The following DLGAP2 variants were observed in gnomAD, a reference collection of about 807,000 sequenced individuals.
DLGAP2 encodes disks large-associated protein 2.
DLGAP2 carries 26 observed loss-of-function variants against 100.3 expected under a neutral mutation model. The observed-to-expected ratio is 0.26, with a 90% CI of 0.19 to 0.36. DLGAP2 has a LOEUF of 0.36. Ranked by LOEUF, DLGAP2 falls within the 10% of genes least tolerant of loss-of-function variation. The pLI, the probability that DLGAP2 is intolerant of heterozygous loss-of-function variation, is 1.00. For synonymous variants in DLGAP2, 886 were observed against 630.1 expected (o/e 1.41, Z -6.08); for missense variants, 1,858 against 1,453.2 (o/e 1.28, Z -4.53).
chr8:1,283,450 A>G (rs909920598), intron 3 of DLGAP2, among the ~76,000 whole-genome samples: 1 of 152,208 alleles, frequency 6.6e-6, no homozygotes, highest in African/African-American at 2.4e-5. Context: ...AATATGAGTT[A>G]TTTTAAAATA....
chr8:892,385 C>T (rs763555579), intron 1 of DLGAP2, among the ~76,000 whole-genome samples: 3 of 152,108 alleles, frequency 2.0e-5, no homozygotes, highest in Non-Finnish European at 4.4e-5. Flanking sequence ...GAACGAAATC[C>T]CGACGAGGCT....
chr8:816,274 GGT>G (rs1491310653), intron 1 of DLGAP2, among the ~76,000 whole-genome samples: 1 of 97,096 alleles, frequency 1.0e-5, no homozygotes, highest in African/African-American at 3.8e-5. Flanking sequence ...GAATACCTTG[GGT>G]TTTTTTTTTT....
intron 6 of DLGAP2, among the ~76,000 whole-genome samples, chr8:1,590,299 C>T (rs147093993): frequency 3.4e-4 from 52 of 152,280 alleles, no homozygotes; most frequent in African/African-American, 1.1e-3. Flanking sequence ...CAGTTCAGGC[C>T]GTACCAGAAG....
At chr8:754,712 G>A (rs770200307) in intron 1 of DLGAP2, among the ~76,000 whole-genome samples, 13 of 152,152 alleles carry the variant, frequency 8.5e-5, no homozygotes, top group Non-Finnish European at 1.2e-4. Context: ...GCATGGTGGT[G>A]TGCACCAGTA....
At chr8:1,324,121 G>C (rs556778516) in intron 3 of DLGAP2, among the ~76,000 whole-genome samples, 28 of 152,162 alleles carry the variant, frequency 1.8e-4, no homozygotes, top group African/African-American at 6.5e-4. Flanking sequence ...GTCCATTGAA[G>C]GGGGAGGAAG....
chr8:1,509,734 G>A (rs143985129), intron 4 of DLGAP2, among the ~76,000 whole-genome samples: 3 of 152,194 alleles, frequency 2.0e-5, no homozygotes, highest in Admixed American at 6.5e-5. Flanking sequence ...TTCCTACCTC[G>A]TTGGAATTTT....
chr8:745,688 A>T (rs925581600), intron 1 of DLGAP2, among the ~76,000 whole-genome samples: 1 of 152,236 alleles, frequency 6.6e-6, no homozygotes, highest in African/African-American at 2.4e-5. Flanking sequence ...CAGTAACAGG[A>T]TTGGGTAAAT....
intron 4 of DLGAP2, among the ~76,000 whole-genome samples, chr8:1,516,427 ATGAG>A (rs1459381004): frequency 4.8e-5 from 6 of 125,688 alleles, no homozygotes; most frequent in South Asian, 6.0e-4. Flanking sequence ...GAGTGACTGA[ATGAG>A]TGGGTGACTG....
At chr8:1,233,535 G>A (rs1201647418) in intron 2 of DLGAP2, among the ~76,000 whole-genome samples, 3 of 152,224 alleles carry the variant, frequency 2.0e-5, no homozygotes, top group Admixed American at 2.0e-4. Context: ...TGTGATGTGA[G>A]AGGCCTGGAA....
At chr8:1,383,060 A>C (rs1382356306) in intron 3 of DLGAP2, among the ~76,000 whole-genome samples, 3 of 152,224 alleles carry the variant, frequency 2.0e-5, no homozygotes, top group Admixed American at 6.5e-5. Context: ...CTTTGGACGT[A>C]AGTATTCTCA....
intron 2 of DLGAP2, among the ~76,000 whole-genome samples, chr8:1,000,739 C>T (rs893274630): frequency 1.3e-5 from 2 of 152,148 alleles, no homozygotes; most frequent in Admixed American, 6.5e-5. Context: ...CTTTACTCAA[C>T]GTCGACTGCA....
chr8:1,184,328 A>T (rs1250757272), intron 2 of DLGAP2, among the ~76,000 whole-genome samples: 1 of 152,220 alleles, frequency 6.6e-6, no homozygotes, highest in Non-Finnish European at 1.5e-5. Flanking sequence ...GTAGTGGGAG[A>T]TGCGTCCGAA....
chr8:916,062 C>T (rs1327764243), intron 2 of DLGAP2, among the ~76,000 whole-genome samples: 1 of 151,874 alleles, frequency 6.6e-6, no homozygotes, highest in Non-Finnish European at 1.5e-5. Context: ...TTCTGTCTGT[C>T]CGTCAGTTCA....
chr8:1,587,981 C>T (rs952296219), intron 6 of DLGAP2, among the ~76,000 whole-genome samples: 8 of 152,172 alleles, frequency 5.3e-5, no homozygotes, highest in African/African-American at 1.7e-4. Context: ...AACTGTGACA[C>T]GTGCATTCCT....
At chr8:994,035 A>G (rs1177954219) in intron 2 of DLGAP2, among the ~76,000 whole-genome samples, 1 of 152,144 alleles carries the variant, frequency 6.6e-6, no homozygotes, top group Non-Finnish European at 1.5e-5. Flanking sequence ...CAGTGCACTT[A>G]AACCCAGCAG....
intron 1 of DLGAP2, among the ~76,000 whole-genome samples, chr8:781,538 C>G (rs1173853331): frequency 1.3e-5 from 2 of 152,080 alleles, no homozygotes; most frequent in Non-Finnish European, 2.9e-5. Flanking sequence ...TGTGACAGCC[C>G]TCTCAAAAGT....
chr8:1,256,692 C>T (rs889541172), intron 2 of DLGAP2, among the ~76,000 whole-genome samples: 3 of 152,182 alleles, frequency 2.0e-5, no homozygotes, highest in Non-Finnish European at 4.4e-5. Context: ...TGAGGGGAAA[C>T]TGACTGTGGG....
chr8:1,412,235 C>T (rs563097148), intron 3 of DLGAP2, among the ~76,000 whole-genome samples: 13 of 152,318 alleles, frequency 8.5e-5, no homozygotes, highest in Admixed American at 4.6e-4. Context: ...CGAGGTCCCC[C>T]GCCAGCCTCC....
At chr8:1,121,010 C>A (rs568265385) in intron 2 of DLGAP2, among the ~76,000 whole-genome samples, 1 of 151,094 alleles carries the variant, frequency 6.6e-6, no homozygotes, top group Non-Finnish European at 1.5e-5. Flanking sequence ...CATCCTTATC[C>A]CTTTAGAACC....
Sources: gnomAD v4.1 joint callset for allele counts (sites outside exome capture counted in the v4.1 genomes callset) on GRCh38, gnomAD v4.1.1 for gene constraint, MANE v1.5 for transcripts, NCBI Gene and HGNC (gene_info 2026-07-23, HGNC 2026-07-21) for gene names.